Variants in MAK observed in about 807,000 individuals in gnomAD.
MAK encodes serine/threonine-protein kinase MAK.
A neutral mutation model predicts 82.6 loss-of-function variants in MAK; 65 were observed. That is an observed-to-expected ratio of 0.79 (90% CI 0.64 to 0.97). The LOEUF is 0.97. Ranked by LOEUF, MAK falls within the 50% of genes least tolerant of loss-of-function variation. The probability of loss-of-function intolerance (pLI) is 0.00; values close to 1 mark genes in which losing one functional copy is unlikely to be tolerated. For missense variants in MAK, 703 were observed against 780.2 expected (o/e 0.90, Z 1.18); for synonymous variants, 250 against 274.2 (o/e 0.91, Z 0.87).
intron 11 of MAK, among the ~76,000 whole-genome samples, chr6:10,778,013 T>C (rs534460040): frequency 6.6e-6 from 1 of 152,344 alleles, no homozygotes; most frequent in East Asian, 1.9e-4. Flanking sequence ...TTTATTTGTT[T>C]ATAAGTTTTC....
chr6:10,775,899 G>T (rs184216493), intron 11 of MAK, among the ~76,000 whole-genome samples: 1 of 152,110 alleles, frequency 6.6e-6, no homozygotes, highest in African/African-American at 2.4e-5. Context: ...AGTGATTCTT[G>T]TGTCTCAGCC....
At chr6:10,766,667 G>A (rs1244838838) in intron 14 of MAK, among the ~76,000 whole-genome samples, 3 of 152,306 alleles carry the variant, frequency 2.0e-5, no homozygotes, top group African/African-American at 7.2e-5. Flanking sequence ...ACTGGTAGCA[G>A]GGGTAGAAGA....
intron 5 of MAK, among the ~76,000 whole-genome samples, chr6:10,812,072 C>T (rs985174777): frequency 6.6e-5 from 10 of 151,934 alleles, no homozygotes; most frequent in Non-Finnish European, 8.8e-5. Context: ...TGGAAGCGTG[C>T]GCCTGTAGTC....
chr6:10,802,305 G>GT (rs1169674575), intron 7 of MAK: 12 of 420,054 alleles, frequency 2.9e-5, no homozygotes, highest in South Asian at 1.1e-4. Flanking sequence ...TTTTTTGTTT[G>GT]TTTTTTTGTG....
At chr6:10,777,825 A>G (rs1773593359) in intron 11 of MAK, among the ~76,000 whole-genome samples, 1 of 151,956 alleles carries the variant, frequency 6.6e-6, no homozygotes, top group Admixed American at 6.6e-5. Flanking sequence ...TTTAGTAGAG[A>G]CAGGGTTTCT....
At chr6:10,808,033 A>G (rs751331872) in intron 6 of MAK, among the ~76,000 whole-genome samples, 10 of 151,836 alleles carry the variant, frequency 6.6e-5, no homozygotes, top group African/African-American at 2.4e-4. Flanking sequence ...ACGCCATTGC[A>G]CTCCAGCCTG....
At chr6:10,771,292 T>C (rs185084926) in intron 13 of MAK, among the ~76,000 whole-genome samples, 77 of 151,912 alleles carry the variant, frequency 5.1e-4, no homozygotes, top group African/African-American at 1.7e-3. Flanking sequence ...GAGAGGTGGA[T>C]GGTAGGAGGA....
At chr6:10,813,086 T>TTTTTTATA (rs1347378325) in intron 5 of MAK, among the ~76,000 whole-genome samples, 1 of 34,906 alleles carries the variant, frequency 2.9e-5, no homozygotes, top group African/African-American at 1.0e-4. Flanking sequence ...TTATGTATTT[T>TTTTTTATA]TATATATATA....
At chr6:10,806,177 CT>C (rs70991047) in intron 6 of MAK, among the ~76,000 whole-genome samples, 45 of 140,904 alleles carry the variant, frequency 3.2e-4, no homozygotes, top group Middle Eastern at 3.6e-3. Flanking sequence ...GCCATCTTTT[CT>C]TTTTTTTTTT....
chr6:10,825,027 T>TA (rs1778260749), intron 2 of MAK, among the ~76,000 whole-genome samples: 1 of 152,200 alleles, frequency 6.6e-6, no homozygotes, highest in Admixed American at 6.5e-5. Context: ...GACCCAATAC[T>TA]AGCCAGTAAG....
rs960605159 is a variant in MAK at position 10,830,106 on chromosome 6, G to A, written c.101+442C>T. On this transcript the variant is annotated intron_variant, in intron 2 of 14. Transcript: ENST00000354489. ...GCTGGGATTGCAGGCATGAGCCACC[G>A]CACACAGCCTGTGTGCACGTGTGTG... Among the ~76,000 whole-genome samples, 13 of 146,298 alleles carry A rather than the reference G, an allele frequency of 8.9e-5. 1 individual carries two copies. The highest frequency in any genetic ancestry group is 2.0e-4 in the East Asian group (1 of 4,888).
rs1773442744 is a variant in MAK, at chr6:10,776,157, A to G, written c.1466-698T>C. On this transcript the variant is annotated intron_variant, in intron 11 of 14. Coordinates refer to ENST00000354489, the MANE Select transcript of MAK (RefSeq NM_001242957.3). This position sits in a 1 kb window ranked among gnomAD's most constrained non-coding sequence, Gnocchi z 4.3. The stretch of plus-strand genomic sequence containing the variant: ...GCCCAACCCTTGGTGTAGCAGGGAA[A>G]ACAGACACGTGACTAAGAACTCAGG... Among the ~76,000 whole-genome samples the G allele has an allele frequency of 6.6e-6, 1 of 152,144 alleles. No individual in the cohort carries two copies. The highest frequency in any genetic ancestry group is 2.1e-4 in the South Asian group (1 of 4,834).
Position 10,776,372 on chromosome 6 carries a change from G to A in MAK, c.1466-913C>T, listed in dbSNP as rs958213955. ...TGAAATGTCCATTCAGCCTTGGGCC[G>A]TGATACTAGTGGTCAAAGGGAGTTG... On this transcript the variant is annotated intron_variant, in intron 11 of 14. Coordinates refer to ENST00000354489, the MANE Select transcript of MAK (RefSeq NM_001242957.3). This position sits in a 1 kb window ranked among gnomAD's most constrained non-coding sequence, Gnocchi z 4.3. Among the ~76,000 whole-genome samples, 9 of 152,198 alleles carry A rather than the reference G, an allele frequency of 5.9e-5. No individual in the cohort carries two copies. Among genetic ancestry groups the A allele is most frequent in the South Asian group, 2.1e-4 (1 of 4,830 alleles).
chr6:10,824,073 C>T (rs1297750419), intron 2 of MAK, among the ~76,000 whole-genome samples: 1 of 152,014 alleles, frequency 6.6e-6, no homozygotes, highest in East Asian at 1.9e-4. Context: ...CCCTCTATAT[C>T]GGGCTTTAAA....
intron 2 of MAK, among the ~76,000 whole-genome samples, chr6:10,823,998 CAA>C (rs5874290): frequency 0.011 from 1,546 of 146,808 alleles, 22 homozygotes; most frequent in African/African-American, 0.028. Flanking sequence ...TGGTAACAAA[CAA>C]AAAAAAAAAA....
intron 6 of MAK, among the ~76,000 whole-genome samples, chr6:10,805,511 C>T (rs1014284030): frequency 5.3e-5 from 8 of 150,580 alleles, no homozygotes; most frequent in Non-Finnish European, 7.4e-5. Context: ...CACTTGAATC[C>T]GGGAGGCAGA....
At chr6:10,796,635 G>GTCT (rs1219544966) in intron 8 of MAK, among the ~76,000 whole-genome samples, 1 of 152,096 alleles carries the variant, frequency 6.6e-6, no homozygotes, top group Admixed American at 6.6e-5. Context: ...GTGAAACCCA[G>GTCT]TCTCTACTAA....
chr6:10,805,958 A>G (rs1163108561), intron 6 of MAK, among the ~76,000 whole-genome samples: 1 of 152,158 alleles, frequency 6.6e-6, no homozygotes, highest in Non-Finnish European at 1.5e-5. Context: ...TTACATTTGC[A>G]AAGACCCTAT....
At position 10,796,162 on chromosome 6, in the gene MAK, T is replaced by TTGG; in HGVS notation, c.978_979insCCA (p.Asp326_Ile327insPro). The TTGG allele has an allele frequency of 6.2e-7, 1 of 1,614,214 alleles. No individual in the cohort carries two copies. The highest frequency in any genetic ancestry group is 8.5e-7 in the Non-Finnish European group (1 of 1,180,030). On this transcript the variant is annotated inframe_insertion, in exon 9 of 15. Coordinates refer to ENST00000354489, the MANE Select transcript of MAK (RefSeq NM_001242957.3). ...GGTTGTCCAACAACCTGATCGATTA[T>TTGG]ATCCGGCAGAGGCTTAGGCTCTACC...
Sources: gnomAD v4.1 joint callset for allele counts (sites outside exome capture counted in the v4.1 genomes callset) on GRCh38, gnomAD v4.1.1 for gene constraint, Gnocchi (gnomAD v3.1) non-coding constraint, MANE v1.5 for transcripts, NCBI Gene and HGNC (gene_info 2026-07-23, HGNC 2026-07-21) for gene names.